Variants in DAG1 observed in about 807,000 individuals in gnomAD.
DAG1 encodes the protein dystroglycan 1.
DAG1 carries 8 observed loss-of-function variants against 46.1 expected under a neutral mutation model. The ratio of observed to expected loss-of-function variants is 0.17; its 90% CI spans 0.10 to 0.31. The LOEUF (loss-of-function observed/expected upper bound fraction) is 0.31, where lower values mean the gene tolerates loss of function less well. Among genes scored for constraint, DAG1 ranks in the 10% least tolerant of loss-of-function variants. The pLI, the probability that DAG1 is intolerant of heterozygous loss-of-function variation, is 1.00. For synonymous variants in DAG1, 495 were observed against 481.8 expected (o/e 1.03, Z -0.36); for missense variants, 1,003 against 1,189.9 (o/e 0.84, Z 2.31).
chr3:49,533,932 T>C lies in DAG1; in HGVS notation c.*733T>C. 6.2e-6 allele frequency: 1 copy of C among 160,162 alleles called. No individual in the cohort carries two copies. Among genetic ancestry groups the C allele is most frequent in the Admixed American group, 6.1e-5 (1 of 16,398 alleles). 9.9% of individuals were successfully genotyped at this position (160,162 alleles called of 1,614,324 possible). ...GCCAAGTCCCTGGTGCTGGGTTTGC[T>C]CTCCCGCTGTTGCCAGGGGCTGGAA... On this transcript the variant is annotated 3_prime_UTR_variant, in exon 3 of 3. Coordinates refer to ENST00000308775, the MANE Select transcript of DAG1 (RefSeq NM_004393.6).
At chr3:49,497,436 C>CA (rs11391817) in intron 1 of DAG1, among the ~76,000 whole-genome samples, 32,995 of 126,722 alleles carry the variant, frequency 0.26, 4,520 homozygotes, top group Non-Finnish European at 0.28. Flanking sequence ...GACTCCGTCT[C>CA]AAAAAAAAAA....
rs368359780 is a variant in DAG1 at position 49,530,984 on chromosome 3, C to G, written c.473C>G (p.Pro158Arg). 87 of 1,614,042 alleles carry G rather than the reference C, an allele frequency of 5.4e-5. 3 individuals are homozygous for G. The Admixed American group carries it at 1.4e-3, about 26-fold the overall frequency. The change falls in exon 3 of 3, where the codon CCT (proline) becomes CGT (arginine). Residue 158 changes from proline to arginine, a missense_variant. Coordinates refer to ENST00000308775, the MANE Select transcript of DAG1 (RefSeq NM_004393.6). ...TSSVFSIEVY[P>R]EDHSELQSVR... Reference sequence around the variant, plus strand: ...AGTGTGTTCTCCATCGAGGTCTACCCTGAAGACCACAGTGAGCTGCAGTCG... The same window carrying G: ...AGTGTGTTCTCCATCGAGGTCTACCGTGAAGACCACAGTGAGCTGCAGTCG...
intron 2 of DAG1, among the ~76,000 whole-genome samples, chr3:49,525,881 C>T (rs1436014952): frequency 3.3e-5 from 5 of 150,170 alleles, no homozygotes; most frequent in Non-Finnish European, 7.4e-5. Flanking sequence ...GATGGAGTTT[C>T]GCTCTTCTGC....
intron 1 of DAG1, among the ~76,000 whole-genome samples, chr3:49,487,706 T>G (rs1221340220): frequency 6.8e-6 from 1 of 147,532 alleles, no homozygotes; most frequent in East Asian, 2.0e-4. Context: ...TTTTTTTTTT[T>G]TTTTTTTGTT....
At chr3:49,506,216 G>A (rs1485230495) in intron 1 of DAG1, among the ~76,000 whole-genome samples, 1 of 152,182 alleles carries the variant, frequency 6.6e-6, no homozygotes, top group Non-Finnish European at 1.5e-5. Context: ...TGACCCAGGT[G>A]ATTCACCGGC....
chr3:49,479,127 C>T (rs1295562352), intron 1 of DAG1, among the ~76,000 whole-genome samples: 1 of 151,556 alleles, frequency 6.6e-6, no homozygotes, highest in Non-Finnish European at 1.5e-5. Context: ...ATAGGGAATA[C>T]AACACATGGT....
chr3:49,499,321 G>C (rs1575370122), intron 1 of DAG1, among the ~76,000 whole-genome samples: 1 of 152,192 alleles, frequency 6.6e-6, no homozygotes, highest in Admixed American at 6.5e-5. Context: ...GATCACTGGG[G>C]AGTTCAAGGC....
At chr3:49,525,684 G>C (rs1003318958) in intron 2 of DAG1, among the ~76,000 whole-genome samples, 1 of 150,524 alleles carries the variant, frequency 6.6e-6, no homozygotes, top group African/African-American at 2.5e-5. Flanking sequence ...TCAGCCTCCC[G>C]AGTAGCTGGG....
chr3:49,486,860 A>C (rs1164522914), intron 1 of DAG1, among the ~76,000 whole-genome samples: 1 of 151,960 alleles, frequency 6.6e-6, no homozygotes, highest in Non-Finnish European at 1.5e-5. Flanking sequence ...GAACTGTTAG[A>C]TATATAGTAT....
intron 2 of DAG1, among the ~76,000 whole-genome samples, chr3:49,511,736 A>ACT (rs575061450): frequency 9.6e-4 from 146 of 152,114 alleles, no homozygotes; most frequent in African/African-American, 3.3e-3. Flanking sequence ...CTAGTCTTGA[A>ACT]CTCCTGAGCT....
chr3:49,484,288 C>G (rs756103611), intron 1 of DAG1, among the ~76,000 whole-genome samples: 6 of 152,060 alleles, frequency 3.9e-5, no homozygotes, highest in Admixed American at 6.6e-5. Context: ...CAGATTCTTT[C>G]ATGTAGGGGA....
At chr3:49,474,200 G>A (rs1254780315) in intron 1 of DAG1, among the ~76,000 whole-genome samples, 9 of 151,434 alleles carry the variant, frequency 5.9e-5, no homozygotes, top group Admixed American at 3.3e-4. Flanking sequence ...GACTACAGGC[G>A]CATGCCACCA....
chr3:49,504,761 A>ATTTTTT (rs57684297), intron 1 of DAG1, among the ~76,000 whole-genome samples: 12 of 89,906 alleles, frequency 1.3e-4, no homozygotes, highest in Admixed American at 2.9e-4. Context: ...CGCCCAGCTA[A>ATTTTTT]TTTTTTTTTT....
intron 1 of DAG1, chr3:49,510,212 C>T: frequency 1.0e-5 from 5 of 482,418 alleles, no homozygotes; most frequent in Middle Eastern, 5.2e-4. Context: ...TTTCAAAATC[C>T]AGTGTATATT....
chr3:49,479,446 A>T (rs1361898889), intron 1 of DAG1, among the ~76,000 whole-genome samples: 3 of 149,466 alleles, frequency 2.0e-5, no homozygotes, highest in African/African-American at 7.4e-5. Flanking sequence ...AGTAGCTGAG[A>T]CGACAAGTGC....
chr3:49,527,201 C>T (rs901369365), intron 2 of DAG1, among the ~76,000 whole-genome samples: 1 of 150,370 alleles, frequency 6.7e-6, no homozygotes, highest in African/African-American at 2.5e-5. Flanking sequence ...ACCATCCTGG[C>T]TAACACAGTG....
intron 1 of DAG1, among the ~76,000 whole-genome samples, chr3:49,500,487 A>G (rs1005082759): frequency 1.3e-5 from 2 of 152,152 alleles, no homozygotes; most frequent in African/African-American, 4.8e-5. Flanking sequence ...GGTCTGGGGC[A>G]GTGCTGAGAG....
chr3:49,490,587 T>G (rs563117425), intron 1 of DAG1, among the ~76,000 whole-genome samples: 66 of 151,762 alleles, frequency 4.3e-4, no homozygotes, highest in African/African-American at 1.3e-3. Context: ...TTTTTTTTTT[T>G]GGGACAGGGT....
intron 1 of DAG1, among the ~76,000 whole-genome samples, chr3:49,504,029 G>A (rs1220520935): frequency 1.3e-5 from 2 of 151,982 alleles, no homozygotes; most frequent in East Asian, 1.9e-4. Flanking sequence ...AAACTATATA[G>A]TACAATATAT....
Sources: allele counts gnomAD v4.1 joint callset (sites outside exome capture counted in the v4.1 genomes callset), GRCh38; gene constraint gnomAD v4.1.1; transcripts MANE v1.5; gene names NCBI Gene and HGNC (gene_info 2026-07-23, HGNC 2026-07-21).